The following TET3 variants were observed in gnomAD, a reference collection of about 807,000 sequenced individuals.
TET3 encodes methylcytosine dioxygenase TET3.
Under a neutral mutation model 141.4 loss-of-function variants are expected in TET3, and 19 were observed. The ratio of observed to expected loss-of-function variants is 0.13; its 90% CI spans 0.09 to 0.20. The LOEUF is 0.20. TET3 is among the 10% of genes least tolerant of loss of function. The pLI, the probability that TET3 is intolerant of heterozygous loss-of-function variation, is 1.00. For missense variants in TET3, 1,874 were observed against 2,356.9 expected (o/e 0.80, Z 4.24); for synonymous variants, 1,043 against 980.9 (o/e 1.06, Z -1.18).
At chr2:74,089,304 G>C (rs1049303606) in intron 7 of TET3, among the ~76,000 whole-genome samples, 1 of 152,090 alleles carries the variant, frequency 6.6e-6, no homozygotes, top group Non-Finnish European at 1.5e-5. Context: ...TGTTTTCAGT[G>C]TTCATCTGTG....
intron 5 of TET3, 130 bp from the exon 6 acceptor site, chr2:74,080,368 C>G (rs1313282134): frequency 1.1e-5 from 8 of 761,856 alleles, no homozygotes; most frequent in African/African-American, 1.7e-5. Flanking sequence ...AAACCTTTCT[C>G]TTTCTTCTCT....
At chr2:74,055,145 C>G (rs1264102741) in intron 4 of TET3, among the ~76,000 whole-genome samples, 2 of 152,052 alleles carry the variant, frequency 1.3e-5, no homozygotes, top group Non-Finnish European at 2.9e-5. Flanking sequence ...AGCGATCCAC[C>G]CACCTCGGCC....
At chr2:73,995,928 G>A (rs1041926049) in intron 2 of TET3, among the ~76,000 whole-genome samples, 1 of 152,132 alleles carries the variant, frequency 6.6e-6, no homozygotes, top group Non-Finnish European at 1.5e-5. Context: ...TGAAGGCACG[G>A]CCATGCTTTA....
the TET3 span, chr2:74,134,596 G>A: frequency 2.1e-5 from 9 of 429,034 alleles, no homozygotes; most frequent in African/African-American, 1.8e-4. Context: ...AGGAGTGGAT[G>A]GTCAACCTCC....
chr2:74,080,466 G>A, intron 5 of TET3, 32 bp from the exon 6 acceptor site: 1 of 1,594,698 alleles, frequency 6.3e-7, no homozygotes, highest in Non-Finnish European at 8.6e-7. Context: ...GGGTTCTGCT[G>A]TGCTAATGGT....
intron 3 of TET3, among the ~76,000 whole-genome samples, chr2:74,031,780 G>A (rs1558728966): frequency 6.6e-6 from 1 of 152,146 alleles, no homozygotes; most frequent in Admixed American, 6.5e-5. Flanking sequence ...TAGGTCTTAA[G>A]TCCTTCAGAA....
At chr2:74,034,050 C>T (rs577308508) in intron 3 of TET3, among the ~76,000 whole-genome samples, 4 of 151,716 alleles carry the variant, frequency 2.6e-5, no homozygotes, top group Middle Eastern at 3.4e-3. Context: ...GAGCCGAGAT[C>T]GTGCCATTGC....
chr2:74,018,455 T>G (rs978957933), intron 3 of TET3, among the ~76,000 whole-genome samples: 2 of 152,242 alleles, frequency 1.3e-5, no homozygotes, highest in African/African-American at 4.8e-5. Context: ...AAGTTTTATT[T>G]TAGATGTTCA....
At chr2:74,130,227 C>T in the TET3 span, among the ~76,000 whole-genome samples, 1 of 152,162 alleles carries the variant, frequency 6.6e-6, no homozygotes, top group African/African-American at 2.4e-5. Context: ...GGTGTACTCT[C>T]ATCTGCCACC....
intron 3 of TET3, among the ~76,000 whole-genome samples, chr2:74,010,695 T>G (rs898590369): frequency 6.6e-6 from 1 of 152,186 alleles, no homozygotes; most frequent in African/African-American, 2.4e-5. Flanking sequence ...AGCTGCCATA[T>G]CCAGTTTGGG....
Position 74,103,262 on chromosome 2 carries a change from G to T in TET3, c.*1086G>T. On this transcript the variant is annotated 3_prime_UTR_variant, in exon 12 of 12. Transcript: ENST00000409262. ...AAAAGCCAGTGGTGCTCTGTGCATG[G>T]TGCTGTGCGGAGCCTGGTGCTGTAG... is the stretch of plus-strand genomic sequence containing the variant. 6.5e-6 allele frequency: 1 copy of T among 152,776 alleles called. No homozygotes were observed. The highest frequency in any genetic ancestry group is 1.5e-5 in the Non-Finnish European group (1 of 68,224). The allele number at this position is 152,776 out of a possible 1,614,324, so 9.5% of individuals were successfully genotyped here.
chr2:74,074,997 A>G (rs1446772228), intron 5 of TET3, among the ~76,000 whole-genome samples: 2 of 152,094 alleles, frequency 1.3e-5, no homozygotes, highest in African/African-American at 4.8e-5. Context: ...CAGACTCCCA[A>G]GTAGCTGGGA....
chr2:74,088,146 G>C, intron 7 of TET3, 108 bp downstream of exon 7: 1 of 1,131,678 alleles, frequency 8.8e-7, no homozygotes, highest in Non-Finnish European at 1.2e-6. Flanking sequence ...CCCTCTCTGC[G>C]GCACTGTTTG....
rs1044525080 is a variant in TET3, at chr2:74,087,745, G to T, written c.2680-85G>T. ...CCCTGCCGTTAAGACCTGCACCCTG[G>T]GTCTGTGTGACAAAGGGAGGGGTGG... On this transcript the variant is annotated intron_variant, in intron 6 of 11. Transcript: ENST00000409262. The surrounding 1 kb of genome is among the most constrained non-coding windows in gnomAD (Gnocchi z 4.3). The T allele has an allele frequency of 3.0e-6, 4 of 1,349,982 alleles. No homozygotes were observed. The African/African-American group carries it at 5.8e-5, about 20-fold the overall frequency. The allele number at this position is 1,349,982 out of a possible 1,614,324, so 83.6% of individuals were successfully genotyped here.
chr2:74,097,268 C>T (rs1159528866), intron 10 of TET3, among the ~76,000 whole-genome samples: 1 of 149,986 alleles, frequency 6.7e-6, no homozygotes, highest in African/African-American at 2.4e-5. Context: ...TAAACACTAA[C>T]AATGACTAAT....
rs368614643 is a variant in TET3 at position 73,992,344 on chromosome 2, C to T, written c.303+5638C>T. Among the ~76,000 whole-genome samples, 3 of 101,492 alleles carry T rather than the reference C, an allele frequency of 3.0e-5. No homozygotes were observed. In the South Asian group the frequency reaches 7.1e-4, roughly 24 times the overall value. The allele number at this position is 101,492 out of a possible 152,430, so 66.6% of individuals were successfully genotyped here. ...TTTTGTTTTGTTTGAGATGGAGTCT[C>T]GCTCTGTTACCCAGGCTGGACTGCA... On this transcript the variant is annotated intron_variant, in intron 2 of 11. Coordinates refer to ENST00000409262, the MANE Select transcript of TET3 (RefSeq NM_001287491.2).
chr2:73,984,898 G>A (rs1376996821), upstream of TET3, among the ~76,000 whole-genome samples: 1 of 147,338 alleles, frequency 6.8e-6, no homozygotes, highest in Non-Finnish European at 1.5e-5. This position sits in a 1 kb window ranked among gnomAD's most constrained non-coding sequence, Gnocchi z 5.6. Flanking sequence ...GCCGCGGTGC[G>A]CGGGGGGCGG....
intron 5 of TET3, among the ~76,000 whole-genome samples, chr2:74,074,551 G>A (rs528702804): frequency 1.2e-4 from 18 of 152,334 alleles, no homozygotes; most frequent in African/African-American, 3.8e-4. Context: ...CTCTAAGTTC[G>A]AGTCTATGGC....
intron 4 of TET3, among the ~76,000 whole-genome samples, chr2:74,068,305 G>A (rs1689018486): frequency 6.6e-6 from 1 of 151,638 alleles, no homozygotes; most frequent in Admixed American, 6.6e-5. Context: ...TTGTACGTGT[G>A]TGTATGTACA....
Sources: allele counts gnomAD v4.1 joint callset (sites outside exome capture counted in the v4.1 genomes callset), GRCh38; gene constraint gnomAD v4.1.1; non-coding constraint Gnocchi (gnomAD v3.1); transcripts MANE v1.5; gene names NCBI Gene and HGNC (gene_info 2026-07-23, HGNC 2026-07-21).